The following ADAM12 variants were observed in gnomAD, a reference collection of about 807,000 sequenced individuals.
ADAM12 encodes the protein disintegrin and metalloproteinase domain-containing protein 12.
Under a neutral mutation model 106.4 loss-of-function variants are expected in ADAM12, and 70 were observed. The ratio of observed to expected loss-of-function variants is 0.66; its 90% CI spans 0.54 to 0.80. ADAM12 has a LOEUF of 0.80. Among genes scored for constraint, ADAM12 ranks in the 30% least tolerant of loss-of-function variants. ADAM12 has a pLI of 0.00. For synonymous variants in ADAM12, 420 were observed against 433.5 expected (o/e 0.97, Z 0.39); for missense variants, 1,010 against 1,171.9 (o/e 0.86, Z 2.02).
chr10:126,101,537 T>C (rs1007630306), intron 8 of ADAM12, among the ~76,000 whole-genome samples: 1 of 152,232 alleles, frequency 6.6e-6, no homozygotes, highest in Non-Finnish European at 1.5e-5. Flanking sequence ...TCACTGGTGA[T>C]TTAAAATGTA....
intron 4 of ADAM12, among the ~76,000 whole-genome samples, chr10:126,141,281 A>G (rs1956506437): frequency 6.6e-6 from 1 of 152,200 alleles, no homozygotes. Context: ...CAAGGGCGCT[A>G]AACTGTATAG....
At chr10:126,296,854 C>T (rs1434177608) in intron 2 of ADAM12, among the ~76,000 whole-genome samples, 1 of 152,170 alleles carries the variant, frequency 6.6e-6, no homozygotes, top group Non-Finnish European at 1.5e-5. Flanking sequence ...AACTGCAGGC[C>T]TTTTCATTTT....
In ADAM12 at chr10:126,101,276, G is replaced by A. The variant is rs745525725; in HGVS notation, c.742-35C>T. ...ACAGGCAAAACTGGCATTGGAGTTG[G>A]GATCACGTTAATAAAAACTCGAAAT... On this transcript the variant is annotated intron_variant, in intron 8 of 22. Coordinates refer to ENST00000448723, the MANE Select transcript of ADAM12 (RefSeq NM_001288973.2). The A allele has an allele frequency of 1.9e-6, 3 of 1,596,934 alleles. No individual in the cohort carries two copies. In the South Asian group the frequency reaches 3.4e-5, roughly 18 times the overall value.
chr10:126,086,028 T>C (rs1014598054), intron 11 of ADAM12, among the ~76,000 whole-genome samples: 3 of 152,142 alleles, frequency 2.0e-5, no homozygotes, highest in African/African-American at 7.2e-5. Context: ...GATTGCAGGA[T>C]TGGCAGGATT....
chr10:126,231,131 A>C (rs1047646679), intron 3 of ADAM12, among the ~76,000 whole-genome samples: 4 of 152,224 alleles, frequency 2.6e-5, no homozygotes, highest in Non-Finnish European at 5.9e-5. Flanking sequence ...TATACTGTAA[A>C]TCTATATATT....
intron 3 of ADAM12, among the ~76,000 whole-genome samples, chr10:126,239,379 A>G (rs1263050894): frequency 6.6e-6 from 1 of 152,232 alleles, no homozygotes; most frequent in Non-Finnish European, 1.5e-5. Flanking sequence ...CCTATAGGAT[A>G]TGACATAACA....
intron 1 of ADAM12, among the ~76,000 whole-genome samples, chr10:126,376,442 AGTCT>A (rs1240550165): frequency 6.6e-6 from 1 of 152,256 alleles, no homozygotes; most frequent in Non-Finnish European, 1.5e-5. Flanking sequence ...TATTGATTGC[AGTCT>A]GTCTACTTCT....
intron 3 of ADAM12, among the ~76,000 whole-genome samples, chr10:126,229,551 G>A (rs934898958): frequency 1.3e-5 from 2 of 151,818 alleles, no homozygotes; most frequent in African/African-American, 4.8e-5. Context: ...ATATTAATTA[G>A]CATTGAATGT....
intron 21 of ADAM12, among the ~76,000 whole-genome samples, chr10:126,028,916 A>G (rs1457974931): frequency 6.6e-6 from 1 of 152,224 alleles, no homozygotes; most frequent in Non-Finnish European, 1.5e-5. Context: ...ATTTAAAATT[A>G]CAAGAAAACA....
chr10:126,207,620 A>G (rs1430383835), intron 3 of ADAM12, among the ~76,000 whole-genome samples: 1 of 152,148 alleles, frequency 6.6e-6, no homozygotes, highest in Non-Finnish European at 1.5e-5. Flanking sequence ...CTCCAATTAT[A>G]CTGACTCATA....
At chr10:126,141,889 G>A (rs1019118960) in intron 4 of ADAM12, among the ~76,000 whole-genome samples, 3 of 152,206 alleles carry the variant, frequency 2.0e-5, no homozygotes, top group African/African-American at 7.2e-5. Context: ...TTGATTAAGT[G>A]CTTGAATCAC....
intron 3 of ADAM12, among the ~76,000 whole-genome samples, chr10:126,175,603 G>T (rs566242569): frequency 6.6e-6 from 1 of 152,328 alleles, no homozygotes; most frequent in African/African-American, 2.4e-5. Context: ...AACAATCGAG[G>T]AATGGTACAA....
intron 12 of ADAM12, among the ~76,000 whole-genome samples, chr10:126,070,805 C>T (rs1954972795): frequency 6.6e-6 from 1 of 152,190 alleles, no homozygotes; most frequent in African/African-American, 2.4e-5. Flanking sequence ...GCTGTCTTCT[C>T]TCTTTCCTTC....
chr10:126,296,320 A>G (rs574952673), intron 2 of ADAM12, among the ~76,000 whole-genome samples: 4 of 152,240 alleles, frequency 2.6e-5, no homozygotes, highest in African/African-American at 9.6e-5. Context: ...TTTTTAGTAG[A>G]GACAGGGTCT....
intron 3 of ADAM12, among the ~76,000 whole-genome samples, chr10:126,228,912 T>C (rs2011760): frequency 0.074 from 11,285 of 152,286 alleles, 526 homozygotes; most frequent in East Asian, 0.14. Flanking sequence ...TTTTATAGAT[T>C]AAGGTTAAAA....
At chr10:126,239,178 T>C (rs781495436) in intron 3 of ADAM12, among the ~76,000 whole-genome samples, 1 of 152,222 alleles carries the variant, frequency 6.6e-6, no homozygotes, top group Non-Finnish European at 1.5e-5. Context: ...TCTGAACTAA[T>C]TCAAGTAACA....
intron 14 of ADAM12, among the ~76,000 whole-genome samples, chr10:126,060,675 T>C (rs1456646118): frequency 6.6e-6 from 1 of 152,232 alleles, no homozygotes; most frequent in Admixed American, 6.5e-5. Context: ...CTCAATGGTA[T>C]ATCTGGCTGG....
chr10:126,019,546 T>C, intron 22 of ADAM12, 149 bp downstream of exon 22: 1 of 1,053,602 alleles, frequency 9.5e-7, no homozygotes, highest in Non-Finnish European at 1.3e-6. Flanking sequence ...TCCTGGTAAT[T>C]GTCATGTCTA....
intron 4 of ADAM12, among the ~76,000 whole-genome samples, chr10:126,152,955 G>A (rs1476834954): frequency 6.6e-6 from 1 of 151,946 alleles, no homozygotes; most frequent in Admixed American, 6.6e-5. Context: ...TCCAAATTTG[G>A]TCACTGTTGC....
Sources: allele counts gnomAD v4.1 joint callset (sites outside exome capture counted in the v4.1 genomes callset), GRCh38; gene constraint gnomAD v4.1.1; transcripts MANE v1.5; gene names NCBI Gene and HGNC (gene_info 2026-07-23, HGNC 2026-07-21).